Variants in POLR1A observed in about 807,000 individuals in gnomAD.
POLR1A encodes the protein DNA-directed RNA polymerase I subunit RPA1.
In POLR1A, 84 loss-of-function variants were observed where a neutral mutation model predicts 205.3. The observed-to-expected ratio is 0.41, with a 90% CI of 0.34 to 0.49. POLR1A has a LOEUF of 0.49. Ranked by LOEUF, POLR1A falls within the 20% of genes least tolerant of loss-of-function variation. The probability of loss-of-function intolerance (pLI) is 0.22; values close to 1 mark genes in which losing one functional copy is unlikely to be tolerated. For missense variants in POLR1A, 1,645 were observed against 2,204.5 expected (o/e 0.75, Z 5.08); for synonymous variants, 799 against 863.7 (o/e 0.93, Z 1.31).
intron 16 of POLR1A, 130 bp from the exon 17 acceptor site, chr2:86,049,372 T>C: frequency 3.0e-6 from 2 of 665,676 alleles, no homozygotes; most frequent in South Asian, 1.7e-5. Flanking sequence ...AGGAAGATGA[T>C]ATTAACATCA....
intron 3 of POLR1A, among the ~76,000 whole-genome samples, chr2:86,096,028 G>A (rs1673696448): frequency 6.6e-6 from 1 of 151,392 alleles, no homozygotes; most frequent in Non-Finnish European, 1.5e-5. Flanking sequence ...GCACCCAGCC[G>A]ACATAATCTC....
intron 14 of POLR1A, among the ~76,000 whole-genome samples, chr2:86,058,617 TAC>T (rs1156367859): frequency 6.6e-6 from 1 of 151,550 alleles, no homozygotes; most frequent in Non-Finnish European, 1.5e-5. Flanking sequence ...ATGTATAATT[TAC>T]TTTCTGGTCA....
chr2:86,033,741 C>T lies in POLR1A; in HGVS notation c.4081G>A (p.Ala1361Thr). The T allele has an allele frequency of 6.2e-7, 1 of 1,614,048 alleles. No individual in the cohort carries two copies. The highest frequency in any genetic ancestry group is 8.5e-7 in the Non-Finnish European group (1 of 1,179,966). The change falls in exon 28 of 34, where the codon GCA (alanine) becomes ACA (threonine). Residue 1361 changes from alanine to threonine, a missense_variant. Physicochemically the swap from Ala to Thr is moderately conservative, Grantham distance 58. Coordinates refer to ENST00000263857, the MANE Select transcript of POLR1A (RefSeq NM_015425.6). ...MESIKKKNNK[A>T]SAFRNVNTRR... is the part of the protein sequence containing the mutation. ...GTGTTTACGTTCCTGAAAGCTGATGCTTTATTATTCTTCTTTTTGATGGAT... is the reference window on the plus strand; with the variant it reads ...GTGTTTACGTTCCTGAAAGCTGATGTTTTATTATTCTTCTTTTTGATGGAT...
At position 86,075,031 on chromosome 2, in the gene POLR1A, A is replaced by T. The variant is rs1248216729; in HGVS notation, c.1610T>A (p.Ile537Asn). 6.2e-7 allele frequency: 1 copy of T among 1,604,316 alleles called. No homozygotes were observed. The highest frequency in any genetic ancestry group is 2.2e-5 in the East Asian group (1 of 44,768). ...CTGACCAAAGCTGCCCTTACTCACA[A>T]TTTTTGTCCCCTGGGGCTTAGGTGC... is the stretch of plus-strand genomic sequence containing the variant. ...TGAPKPQGTK[I>N]VCRHVKNGDI... Residue 537 changes from isoleucine to asparagine, a missense_variant and splice_region_variant, in exon 12 of 34, where the codon ATT becomes AAT. Physicochemically the swap from Ile to Asn is moderately radical, Grantham distance 149. Transcript: ENST00000263857.
intron 27 of POLR1A, among the ~76,000 whole-genome samples, chr2:86,035,020 A>G (rs1672468831): frequency 6.6e-6 from 1 of 152,050 alleles, no homozygotes; most frequent in Non-Finnish European, 1.5e-5. Context: ...ACAGGCATGC[A>G]CCACCATGCC....
At position 86,039,435 on chromosome 2, in the gene POLR1A, G is replaced by A. The variant is rs369024711; in HGVS notation, c.3768C>T (p.Ser1256=). 26 of 1,614,008 alleles carry A rather than the reference G, an allele frequency of 1.6e-5. No homozygotes were observed. The Middle Eastern group carries it at 4.9e-4, about 31-fold the overall frequency. The change falls in exon 26 of 34, where the codon AGC becomes AGT. Residue 1256 remains serine, a synonymous_variant. Coordinates refer to ENST00000263857, the MANE Select transcript of POLR1A (RefSeq NM_015425.6). ...TCATCATGGGTGTCTTGATGTTGGC[G>A]CTGGCCACCATGAGAATCTCCCGCA... ...PRLREILMVA[S]ANIKTPMMSV... is the part of the protein sequence containing the mutation.
chr2:86,094,312 T>C (rs1375775191), intron 3 of POLR1A, among the ~76,000 whole-genome samples: 1 of 152,258 alleles, frequency 6.6e-6, no homozygotes, highest in East Asian at 1.9e-4. Context: ...ATTCCTACTT[T>C]ATTCAATGGG....
intron 12 of POLR1A, 35 bp downstream of exon 12, chr2:86,074,995 C>G: frequency 6.9e-7 from 1 of 1,443,320 alleles, no homozygotes; most frequent in African/African-American, 1.4e-5. Flanking sequence ...GAACAGGAGC[C>G]GGATGGGTCC....
In POLR1A at chr2:86,025,725, G is replaced by A. The variant is rs745592527; in HGVS notation, c.*1698C>T. The A allele has an allele frequency of 1.3e-5, 2 of 152,270 alleles. No homozygotes were observed. Among genetic ancestry groups the A allele is most frequent in the Non-Finnish European group, 2.9e-5 (2 of 68,064 alleles). The allele number at this position is 152,270 out of a possible 1,614,324, so 9.4% of individuals were successfully genotyped here. A position where few individuals can be genotyped will look rare whatever the true frequency, so the allele number is the denominator to read the frequency against. ...TGTGCCACAGTCACCAGGTTACTTT[G>A]TGATCTCCTTCAAGGACACTCTCAC... On this transcript the variant is annotated 3_prime_UTR_variant, in exon 34 of 34. Coordinates refer to ENST00000263857, the MANE Select transcript of POLR1A (RefSeq NM_015425.6).
chr2:86,068,276 G>C (rs1192368723), intron 13 of POLR1A, among the ~76,000 whole-genome samples: 1 of 151,434 alleles, frequency 6.6e-6, no homozygotes, highest in Non-Finnish European at 1.5e-5. Context: ...GGCTGCTATA[G>C]AGTCAGAGAC....
chr2:86,074,925 T>G (rs1300055981), intron 12 of POLR1A, 105 bp downstream of exon 12: 3 of 745,936 alleles, frequency 4.0e-6, no homozygotes, highest in Non-Finnish European at 4.4e-6. Flanking sequence ...CTCCTAGGGA[T>G]GGGCTCCTGT....
intron 16 of POLR1A, among the ~76,000 whole-genome samples, chr2:86,052,194 C>G (rs1244545103): frequency 6.6e-6 from 1 of 152,210 alleles, no homozygotes; most frequent in Admixed American, 6.5e-5. Context: ...ATCCACCCAC[C>G]TTGGCCTCCC....
intron 4 of POLR1A, 49 bp downstream of exon 4, chr2:86,089,773 G>A (rs774433430): frequency 8.8e-7 from 1 of 1,137,890 alleles, no homozygotes; most frequent in Non-Finnish European, 1.3e-6. Context: ...GAGGGAAAGT[G>A]ATAAAATGAT....
At chr2:86,077,463 A>T (rs149811689) in intron 11 of POLR1A, among the ~76,000 whole-genome samples, 27 of 152,214 alleles carry the variant, frequency 1.8e-4, no homozygotes, top group Non-Finnish European at 3.5e-4. Flanking sequence ...CTGATAACTG[A>T]TATGCCCCAT....
intron 12 of POLR1A, among the ~76,000 whole-genome samples, chr2:86,074,454 A>G (rs955383460): frequency 2.0e-5 from 3 of 152,200 alleles, no homozygotes; most frequent in Non-Finnish European, 4.4e-5. Flanking sequence ...AATGGCTATT[A>G]TGTGACAGAG....
intron 1 of POLR1A, among the ~76,000 whole-genome samples, chr2:86,104,171 T>C (rs1673874149): frequency 6.6e-6 from 1 of 152,110 alleles, no homozygotes; most frequent in African/African-American, 2.4e-5. Flanking sequence ...TTGACAGCAG[T>C]GTGGAGCATG....
chr2:86,057,742 A>G (rs1222572446), intron 14 of POLR1A, among the ~76,000 whole-genome samples: 1 of 152,232 alleles, frequency 6.6e-6, no homozygotes, highest in South Asian at 2.1e-4. Flanking sequence ...GAAATGTCCA[A>G]AACAGGCTAA....
intron 3 of POLR1A, among the ~76,000 whole-genome samples, chr2:86,097,913 T>C (rs538655867): frequency 1.3e-5 from 2 of 152,302 alleles, no homozygotes; most frequent in South Asian, 4.1e-4. Context: ...AAAGAAATGA[T>C]AAATGTTTGA....
At chr2:86,042,816 C>A (rs184596376) in intron 23 of POLR1A, among the ~76,000 whole-genome samples, 158 bp downstream of exon 23, 1 of 152,350 alleles carries the variant, frequency 6.6e-6, no homozygotes, top group African/African-American at 2.4e-5. Flanking sequence ...AGAGTCCCCA[C>A]CTTACATTCC....
Sources: gnomAD v4.1 joint callset for allele counts (sites outside exome capture counted in the v4.1 genomes callset) on GRCh38, gnomAD v4.1.1 for gene constraint, MANE v1.5 for transcripts, NCBI Gene and HGNC (gene_info 2026-07-23, HGNC 2026-07-21) for gene names.